NRG1: variants seen among roughly 807,000 people sequenced by gnomAD.
NRG1 encodes neuregulin 1, also known as pro-neuregulin-1, membrane-bound isoform.
NRG1 carries 18 observed loss-of-function variants against 63.8 expected under a neutral mutation model. The observed-to-expected ratio is 0.28, with a 90% confidence interval of 0.19 to 0.42. The LOEUF is 0.42. Ranked by LOEUF, NRG1 falls within the 10% of genes least tolerant of loss-of-function variation. NRG1 has a pLI of 1.00. For synonymous variants in NRG1, 302 were observed against 301.3 expected (o/e 1.00, Z -0.02); for missense variants, 762 against 814.7 (o/e 0.94, Z 0.79).
chr8:32,545,895 T>A (rs1182443909), upstream of NRG1, among the ~76,000 whole-genome samples: 1 of 152,114 alleles, frequency 6.6e-6, no homozygotes. Flanking sequence ...TTCCTTAAAG[T>A]CCCTTCAATA....
intron 1 of NRG1, among the ~76,000 whole-genome samples, chr8:32,186,259 C>T (rs1028783367): frequency 6.6e-6 from 1 of 151,934 alleles, no homozygotes. Flanking sequence ...GTCAGGGGAT[C>T]GAGACCATCC....
At chr8:32,571,192 C>T (rs1017174457) in intron 1 of NRG1, among the ~76,000 whole-genome samples, 2 of 152,190 alleles carry the variant, frequency 1.3e-5, no homozygotes, top group African/African-American at 4.8e-5. Context: ...ACAGCAATGA[C>T]ATGACATCTA....
chr8:32,236,545 G>T (rs917795133), intron 1 of NRG1, among the ~76,000 whole-genome samples: 1 of 152,076 alleles, frequency 6.6e-6, no homozygotes, highest in East Asian at 1.9e-4. Flanking sequence ...CCATGAATTG[G>T]AGTCTGGATA....
chr8:31,713,185 C>T (rs1197385613), intron 1 of NRG1, among the ~76,000 whole-genome samples: 1 of 142,156 alleles, frequency 7.0e-6, no homozygotes, highest in Non-Finnish European at 1.5e-5. Context: ...GGTGGGATCT[C>T]CACTCACTGC....
intron 5 of NRG1, among the ~76,000 whole-genome samples, chr8:32,674,150 T>C (rs1211310579): frequency 1.3e-5 from 2 of 152,212 alleles, no homozygotes; most frequent in African/African-American, 2.4e-5. Context: ...CTTTGTCTCA[T>C]CAATACAGTG....
intron 1 of NRG1, among the ~76,000 whole-genome samples, chr8:31,805,797 C>G (rs1822213808): frequency 7.4e-6 from 1 of 134,764 alleles, no homozygotes; most frequent in Admixed American, 8.7e-5. Context: ...CAGGGCACTC[C>G]AGCCTGGGCA....
chr8:32,525,612 A>G (rs1830756297), intron 1 of NRG1, among the ~76,000 whole-genome samples: 2 of 152,042 alleles, frequency 1.3e-5, no homozygotes, highest in African/African-American at 4.8e-5. Context: ...CTCTTCAGAG[A>G]CTAAACCTCC....
chr8:31,856,446 C>T (rs1827881148), intron 1 of NRG1, among the ~76,000 whole-genome samples: 1 of 152,156 alleles, frequency 6.6e-6, no homozygotes, highest in Non-Finnish European at 1.5e-5. Flanking sequence ...GTTCTCGAGC[C>T]TTGGTTTTTA....
At chr8:32,479,171 G>A (rs1052184418) in intron 1 of NRG1, among the ~76,000 whole-genome samples, 3 of 152,068 alleles carry the variant, frequency 2.0e-5, no homozygotes, top group African/African-American at 4.8e-5. Context: ...GTACCTTATG[G>A]GAGAATTAAA....
chr8:32,111,567 T>C (rs1394308978), intron 1 of NRG1, among the ~76,000 whole-genome samples: 1 of 152,214 alleles, frequency 6.6e-6, no homozygotes, highest in Non-Finnish European at 1.5e-5. Flanking sequence ...TCTTGTTCCA[T>C]GTCAGGCTTG....
At chr8:32,490,037 G>T (rs1826363093) in intron 1 of NRG1, among the ~76,000 whole-genome samples, 1 of 152,156 alleles carries the variant, frequency 6.6e-6, no homozygotes, top group Non-Finnish European at 1.5e-5. Flanking sequence ...AGCTGGATGT[G>T]GTGGCACATG....
intron 1 of NRG1, among the ~76,000 whole-genome samples, chr8:31,884,970 G>A (rs1830613013): frequency 1.3e-5 from 2 of 152,084 alleles, no homozygotes; most frequent in Admixed American, 1.3e-4. Flanking sequence ...ATGCACATCA[G>A]TTTATCAGTT....
chr8:31,724,445 C>T (rs754126366), intron 1 of NRG1, among the ~76,000 whole-genome samples: 1 of 152,096 alleles, frequency 6.6e-6, no homozygotes, highest in Non-Finnish European at 1.5e-5. Context: ...AAGAGAGAAA[C>T]TTGTGTTTCT....
In NRG1 at chr8:31,929,294, G is replaced by C. The variant is rs200101182; in HGVS notation, c.37+289863G>C. Among the ~76,000 whole-genome samples, 8 of 152,102 alleles carry C rather than the reference G, an allele frequency of 5.3e-5. No homozygotes were observed. The East Asian group carries it at 1.5e-3, about 29-fold the overall frequency. On this transcript the variant is annotated intron_variant, in intron 1 of 10. Coordinates refer to the NRG1 transcript ENST00000519301. ...TTATTTAAAAATAGAAAAATAAGAGGCAGATGTAGTTCTAGCTCTTAATAA... is the reference window on the plus strand; with the variant it reads ...TTATTTAAAAATAGAAAAATAAGAGCCAGATGTAGTTCTAGCTCTTAATAA...
At chr8:31,792,083 C>T (rs558947677) in intron 1 of NRG1, among the ~76,000 whole-genome samples, 6 of 152,216 alleles carry the variant, frequency 3.9e-5, no homozygotes, top group African/African-American at 1.2e-4. Context: ...GAAAACTGAC[C>T]TGGAACTAGT....
chr8:32,027,695 A>G (rs1313499582), intron 1 of NRG1, among the ~76,000 whole-genome samples: 2 of 152,106 alleles, frequency 1.3e-5, no homozygotes, highest in African/African-American at 4.8e-5. Context: ...ATCTATGGGA[A>G]TACTGGGTGA....
chr8:32,245,827 G>A (rs559106367), intron 1 of NRG1, among the ~76,000 whole-genome samples: 62 of 152,216 alleles, frequency 4.1e-4, no homozygotes, highest in East Asian at 1.9e-4. Flanking sequence ...AACCACTTGA[G>A]GCTAGGAAGC....
At position 32,542,270 on chromosome 8, in the gene NRG1, G is replaced by T. The variant is rs562108247; in HGVS notation, c.38-53558G>T. On this transcript the variant is annotated intron_variant, in intron 1 of 10. Coordinates refer to the NRG1 transcript ENST00000519301. ...TTGAGAGATTATACTGATTAGTCCA[G>T]ATTTTTATTTTACATATTTGTTCAT... Among the ~76,000 whole-genome samples the T allele has an allele frequency of 2.6e-5, 4 of 152,200 alleles. No individual in the cohort carries two copies. The South Asian group carries it at 6.2e-4, about 24-fold the overall frequency.
chr8:32,049,322 C>A (rs1200398843), intron 1 of NRG1, among the ~76,000 whole-genome samples: 4 of 152,132 alleles, frequency 2.6e-5, no homozygotes, highest in Non-Finnish European at 4.4e-5. Context: ...TAAATATATT[C>A]CATCCAGTTA....
Sources: allele counts gnomAD v4.1 joint callset (sites outside exome capture counted in the v4.1 genomes callset), GRCh38; gene constraint gnomAD v4.1.1; transcripts MANE v1.5; gene names NCBI Gene and HGNC (gene_info 2026-07-23, HGNC 2026-07-21).